ASPH: variants seen among roughly 807,000 people sequenced by gnomAD.
ASPH encodes aspartyl/asparaginyl beta-hydroxylase.
A neutral mutation model predicts 118.4 loss-of-function variants in ASPH; 100 were observed. The ratio of observed to expected loss-of-function variants is 0.84; its 90% CI spans 0.72 to 1.00. The LOEUF is 1.00. Among genes scored for constraint, ASPH ranks in the 50% least tolerant of loss-of-function variants. The pLI, the probability that ASPH is intolerant of heterozygous loss-of-function variation, is 0.00. For missense variants in ASPH, 920 were observed against 919.5 expected, an observed-to-expected ratio of 1.00 and a Z score of -0.01; for synonymous variants, 315 against 325.6, an observed-to-expected ratio of 0.97 and a Z score of 0.35.
rs199581973 is a variant in ASPH, at chr8:61,666,965, A to T, written c.323-13305T>A. On this transcript the variant is annotated intron_variant, in intron 3 of 24. Coordinates refer to ENST00000379454, the MANE Select transcript of ASPH (RefSeq NM_004318.4). ...TCTAGATCAAGAAGTAAAATATTTT[A>T]TTGTCCATTTGTTTCATCATTATTT... 5.0e-4 allele frequency among the ~76,000 whole-genome samples: 76 copies of T among 152,268 alleles called. No individual in the cohort carries two copies. The East Asian group carries it at 0.012, about 24-fold the overall frequency.
chr8:61,589,081 T>C (rs543055604), intron 14 of ASPH, among the ~76,000 whole-genome samples: 22 of 152,296 alleles, frequency 1.4e-4, no homozygotes, highest in African/African-American at 5.1e-4. Context: ...AACAGGTAAG[T>C]GGCTTCAGAG....
At chr8:61,577,399 C>CAA (rs775523503) in intron 15 of ASPH, among the ~76,000 whole-genome samples, 3,563 of 23,144 alleles carry the variant, frequency 0.15, 773 homozygotes, top group East Asian at 0.35. Context: ...CCCAATCTCG[C>CAA]AAAAAAAAAA....
At chr8:61,681,502 A>G (rs1828040467) in intron 2 of ASPH, among the ~76,000 whole-genome samples, 1 of 151,850 alleles carries the variant, frequency 6.6e-6, no homozygotes, top group Non-Finnish European at 1.5e-5. Flanking sequence ...AAATGTAAAT[A>G]GATTAACATA....
At chr8:61,614,704 C>G (rs1052967180) in intron 14 of ASPH, among the ~76,000 whole-genome samples, 1 of 152,134 alleles carries the variant, frequency 6.6e-6, no homozygotes, top group South Asian at 2.1e-4. Context: ...GTGGCCCAGG[C>G]TGGCCTCAAA....
At chr8:61,504,874 G>A (rs563311555) in intron 24 of ASPH, among the ~76,000 whole-genome samples, 2 of 152,218 alleles carry the variant, frequency 1.3e-5, no homozygotes, top group South Asian at 4.1e-4. Flanking sequence ...AACAGATAAA[G>A]TACTGAGTAT....
At chr8:61,671,485 G>C (rs1169149908) in intron 3 of ASPH, among the ~76,000 whole-genome samples, 1 of 152,106 alleles carries the variant, frequency 6.6e-6, no homozygotes, top group Admixed American at 6.5e-5. Context: ...AATCCATTCA[G>C]ACAAAAGTTG....
intron 15 of ASPH, 84 bp downstream of exon 15, chr8:61,583,860 C>A (rs1233061864): frequency 2.4e-6 from 2 of 849,340 alleles, no homozygotes; most frequent in East Asian, 2.7e-5. Flanking sequence ...TTTACACTTA[C>A]TATTTTTTTT....
intron 3 of ASPH, 65 bp from the exon 4 acceptor site, chr8:61,653,725 GA>G: frequency 1.4e-6 from 2 of 1,463,300 alleles, no homozygotes; most frequent in Non-Finnish European, 1.9e-6. Flanking sequence ...ATTAAACCAG[GA>G]AAAATAATAT....
chr8:61,568,001 G>A (rs1282137414), intron 16 of ASPH, among the ~76,000 whole-genome samples: 1 of 152,150 alleles, frequency 6.6e-6, no homozygotes, highest in African/African-American at 2.4e-5. Flanking sequence ...AAGAGCAAAG[G>A]CTTGGAGGTA....
At chr8:61,638,909 T>C (rs1327000577) in intron 10 of ASPH, among the ~76,000 whole-genome samples, 1 of 152,190 alleles carries the variant, frequency 6.6e-6, no homozygotes, top group South Asian at 2.1e-4. Context: ...GGCTCAAAGC[T>C]TCCTCAGTCA....
intron 12 of ASPH, among the ~76,000 whole-genome samples, chr8:61,634,029 A>G (rs536435790): frequency 1.2e-4 from 18 of 152,274 alleles, no homozygotes; most frequent in African/African-American, 4.1e-4. Flanking sequence ...TTTCACCACA[A>G]TTTTGCATCA....
chr8:61,628,319 C>A, intron 13 of ASPH: 1 of 343,614 alleles, frequency 2.9e-6, no homozygotes, highest in South Asian at 2.2e-5. Flanking sequence ...GACACCAAGC[C>A]CGGCTTTTTT....
At chr8:61,679,785 AAG>A (rs1289198725) in intron 3 of ASPH, among the ~76,000 whole-genome samples, 4 of 151,810 alleles carry the variant, frequency 2.6e-5, no homozygotes, top group Non-Finnish European at 4.4e-5. Context: ...TTACATGCCT[AAG>A]ATTATAGTCA....
intron 1 of ASPH, among the ~76,000 whole-genome samples, chr8:61,709,101 T>A (rs538360002): frequency 6.6e-6 from 1 of 152,226 alleles, no homozygotes; most frequent in African/African-American, 2.4e-5. Flanking sequence ...CTAAACCAAA[T>A]TTGTCCTCAG....
intron 3 of ASPH, among the ~76,000 whole-genome samples, chr8:61,669,071 C>G (rs1223223997): frequency 3.3e-5 from 5 of 152,148 alleles, no homozygotes; most frequent in African/African-American, 1.2e-4. Context: ...GTTGGAGGTG[C>G]AATGTAGTGT....
chr8:61,552,361 CA>C (rs1305969933), intron 20 of ASPH, among the ~76,000 whole-genome samples: 1 of 152,202 alleles, frequency 6.6e-6, no homozygotes, highest in African/African-American at 2.4e-5. Flanking sequence ...GTTATAGAAG[CA>C]GACACTGTAC....
chr8:61,565,780 A>G (rs1158940508), intron 17 of ASPH, among the ~76,000 whole-genome samples: 1 of 152,204 alleles, frequency 6.6e-6, no homozygotes, highest in African/African-American at 2.4e-5. Context: ...CTGCTTTCAA[A>G]GTTTTGAGGA....
chr8:61,674,060 T>C (rs1363051144), intron 3 of ASPH, among the ~76,000 whole-genome samples: 1 of 152,238 alleles, frequency 6.6e-6, no homozygotes, highest in Non-Finnish European at 1.5e-5. Flanking sequence ...TGATGAAAAA[T>C]TAGTAATTTC....
At chr8:61,669,408 C>G (rs558918065) in intron 3 of ASPH, among the ~76,000 whole-genome samples, 1 of 152,126 alleles carries the variant, frequency 6.6e-6, no homozygotes, top group African/African-American at 2.4e-5. Context: ...AAAATGGAAA[C>G]GTGACCATGG....
Sources: gnomAD v4.1 joint callset for allele counts (sites outside exome capture counted in the v4.1 genomes callset) on GRCh38, gnomAD v4.1.1 for gene constraint, MANE v1.5 for transcripts, NCBI Gene and HGNC (gene_info 2026-07-23, HGNC 2026-07-21) for gene names.